Variants in ROBO2 observed in about 807,000 individuals in gnomAD.
The protein encoded by ROBO2 is roundabout homolog 2.
A neutral mutation model predicts 160.8 loss-of-function variants in ROBO2; 53 were observed. That is an observed-to-expected ratio of 0.33 (90% CI 0.26 to 0.41). The LOEUF (loss-of-function observed/expected upper bound fraction) is 0.41, where lower values mean the gene tolerates loss of function less well. ROBO2 is among the 10% of genes least tolerant of loss of function. ROBO2 has a pLI of 1.00. For missense variants in ROBO2, 1,577 were observed against 1,722.4 expected (o/e 0.92, Z 1.49); for synonymous variants, 664 against 611.7 (o/e 1.09, Z -1.26).
At chr3:76,013,340 C>A (rs615752) in intron 2 of ROBO2, among the ~76,000 whole-genome samples, 1 of 142,874 alleles carries the variant, frequency 7.0e-6, no homozygotes, top group Non-Finnish European at 1.5e-5. Context: ...GCGGCTGGCA[C>A]GGTGGTGTAT....
At chr3:76,191,144 G>A (rs1701986501) in intron 2 of ROBO2, among the ~76,000 whole-genome samples, 1 of 152,122 alleles carries the variant, frequency 6.6e-6, no homozygotes, top group African/African-American at 2.4e-5. Context: ...ATCTATAAGT[G>A]CAAATACAGA....
At chr3:77,100,319 A>G (rs2071735024) in intron 2 of ROBO2, among the ~76,000 whole-genome samples, 2 of 152,146 alleles carry the variant, frequency 1.3e-5, no homozygotes, top group East Asian at 1.9e-4. Context: ...ATGCCATGTC[A>G]ACAGTTCATT....
chr3:77,203,716 G>T (rs914790223), intron 2 of ROBO2, among the ~76,000 whole-genome samples: 21 of 152,160 alleles, frequency 1.4e-4, no homozygotes, highest in Admixed American at 9.2e-4. Context: ...TTTTGATAAT[G>T]ATTGTGTTGA....
intron 2 of ROBO2, among the ~76,000 whole-genome samples, chr3:76,344,155 AATTT>A (rs1470519639): frequency 2.0e-5 from 3 of 152,156 alleles, no homozygotes; most frequent in South Asian, 4.1e-4. Context: ...GTTGGAAGAT[AATTT>A]ATTTGTTTGA....
chr3:77,047,985 G>A (rs537372950), intron 1 of ROBO2, among the ~76,000 whole-genome samples: 250 of 152,036 alleles, frequency 1.6e-3, no homozygotes, highest in African/African-American at 5.7e-3. Context: ...AGGTGGAACT[G>A]GCAGTGAGCC....
chr3:77,491,871 T>G (rs960809182), intron 4 of ROBO2, among the ~76,000 whole-genome samples: 2 of 152,302 alleles, frequency 1.3e-5, no homozygotes, highest in Admixed American at 1.3e-4. Context: ...TACAATAGTC[T>G]TCCTTCTAAA....
intron 2 of ROBO2, among the ~76,000 whole-genome samples, chr3:76,801,127 T>C (rs923916941): frequency 6.6e-6 from 1 of 152,230 alleles, no homozygotes; most frequent in Non-Finnish European, 1.5e-5. Flanking sequence ...GAGGACATTA[T>C]GTTAAGTGAA....
chr3:76,555,150 A>T (rs1229021171), intron 2 of ROBO2, among the ~76,000 whole-genome samples: 1 of 152,086 alleles, frequency 6.6e-6, no homozygotes, highest in Admixed American at 6.6e-5. Flanking sequence ...TAATATAAAA[A>T]TCCCTAGTCT....
chr3:76,204,467 G>A (rs1205277178), intron 2 of ROBO2, among the ~76,000 whole-genome samples: 1 of 152,054 alleles, frequency 6.6e-6, no homozygotes, highest in Non-Finnish European at 1.5e-5. Flanking sequence ...GAAGCTGAGA[G>A]TTCTGTTTAA....
chr3:77,076,238 A>G (rs993096658), intron 1 of ROBO2, among the ~76,000 whole-genome samples: 5 of 151,936 alleles, frequency 3.3e-5, no homozygotes, highest in Non-Finnish European at 1.5e-5. Flanking sequence ...TCCTGTATTG[A>G]TGGTTATTGT....
Position 76,477,306 on chromosome 3 carries a change from C to CT in ROBO2, c.109+539705dup, listed in dbSNP as rs201401895. ...TAAAAAACATATTTTTCTCGCCAATCTGTCACTTAGGAATGATAATAAGCA... is the reference window on the plus strand; with the variant it reads ...TAAAAAACATATTTTTCTCGCCAATCTTGTCACTTAGGAATGATAATAAGCA... On this transcript the variant is annotated intron_variant, in intron 2 of 26. Transcript: ENST00000487694. Among the ~76,000 whole-genome samples, 1,246 of 152,222 alleles carry CT rather than the reference C, an allele frequency of 8.2e-3. 22 individuals are homozygous for CT. Among genetic ancestry groups the CT allele is most frequent in the African/African-American group, 0.028 (1,164 of 41,522 alleles).
chr3:77,009,608 A>G (rs1001282213), intron 2 of ROBO2, among the ~76,000 whole-genome samples: 1 of 152,186 alleles, frequency 6.6e-6, no homozygotes, highest in Non-Finnish European at 1.5e-5. Flanking sequence ...ATACAAAACC[A>G]TTATAAGAAA....
At chr3:77,028,373 T>G (rs866102947) in intron 2 of ROBO2, among the ~76,000 whole-genome samples, 1 of 152,114 alleles carries the variant, frequency 6.6e-6, no homozygotes, top group Non-Finnish European at 1.5e-5. Flanking sequence ...TGGATGTCTT[T>G]TACTCCATCT....
At chr3:76,137,368 T>C (rs1161184496) in intron 2 of ROBO2, among the ~76,000 whole-genome samples, 1 of 152,052 alleles carries the variant, frequency 6.6e-6, no homozygotes, top group Non-Finnish European at 1.5e-5. Flanking sequence ...CTAGAAAACG[T>C]ACCCTTTCTA....
chr3:76,528,898 C>T (rs563723974), intron 2 of ROBO2, among the ~76,000 whole-genome samples: 4 of 151,896 alleles, frequency 2.6e-5, no homozygotes, highest in Admixed American at 1.3e-4. Context: ...TGAAGCGAAA[C>T]GAAAAAAGCA....
chr3:76,689,498 T>C (rs1157623732), intron 2 of ROBO2, among the ~76,000 whole-genome samples: 1 of 152,158 alleles, frequency 6.6e-6, no homozygotes, highest in Non-Finnish European at 1.5e-5. Flanking sequence ...AATTATAGTT[T>C]TCTAGCTATT....
chr3:76,447,948 C>T (rs971891032), intron 2 of ROBO2, among the ~76,000 whole-genome samples: 10 of 150,248 alleles, frequency 6.7e-5, no homozygotes, highest in East Asian at 2.0e-4. Context: ...TGTTAAATGA[C>T]GAGTTAATGG....
At chr3:76,985,008 G>A (rs1019224760) in intron 2 of ROBO2, among the ~76,000 whole-genome samples, 23 of 152,146 alleles carry the variant, frequency 1.5e-4, no homozygotes, top group African/African-American at 5.3e-4. Context: ...GAATTGATAT[G>A]AGTAATGTAA....
chr3:77,269,383 A>T (rs6770683), intron 2 of ROBO2, among the ~76,000 whole-genome samples: 1 of 152,008 alleles, frequency 6.6e-6, no homozygotes, highest in Non-Finnish European at 1.5e-5. Context: ...TAAACCATGC[A>T]TTCCCAATTG....
Sources: gnomAD v4.1 joint callset for allele counts (sites outside exome capture counted in the v4.1 genomes callset) on GRCh38, gnomAD v4.1.1 for gene constraint, MANE v1.5 for transcripts, NCBI Gene and HGNC (gene_info 2026-07-23, HGNC 2026-07-21) for gene names.